Variants in RGPD3 observed in about 807,000 individuals in gnomAD.
RGPD3 encodes the protein ranBP2-like and GRIP domain-containing protein 3.
In RGPD3, 62 loss-of-function variants were observed where a neutral mutation model predicts 154.5. The observed-to-expected ratio is 0.40, with a 90% CI of 0.33 to 0.50. The LOEUF (loss-of-function observed/expected upper bound fraction) is 0.50, where lower values mean the gene tolerates loss of function less well. Ranked by LOEUF, RGPD3 falls within the 20% of genes least tolerant of loss-of-function variation. RGPD3 has a pLI of 0.59. For missense variants in RGPD3, 919 were observed against 1,716.8 expected, an observed-to-expected ratio of 0.54 and a Z score of 8.21; for synonymous variants, 308 against 607.0, an observed-to-expected ratio of 0.51 and a Z score of 7.24.
At chr2:106,422,413 GTCAC>G (rs1677022443) in intron 20 of RGPD3, among the ~76,000 whole-genome samples, 1 of 138,998 alleles carries the variant, frequency 7.2e-6, no homozygotes, top group Non-Finnish European at 1.5e-5. Context: ...GTCTCACTCA[GTCAC>G]TCAGTCAGGC....
chr2:106,425,002 T>C lies in RGPD3; in HGVS notation c.2965A>G (p.Lys989Glu), dbSNP rs2104460088. The change falls in exon 20 of 23, where the codon AAA becomes GAA. Residue 989 changes from lysine (K) to glutamate (E), a missense_variant. By Grantham distance (56) the Lys-to-Glu change is moderately conservative (BLOSUM62 1). Transcript: ENST00000409886. ...GAAAATCCCTTGAAATTGAGGTCTT[T>C]TTTGCCAAACTGAAATCCTTCTCCT... ...TSGEGFQFGKKDLNFKGFSGA... is the reference protein window; with the variant it reads ...TSGEGFQFGKEDLNFKGFSGA... The C allele has an allele frequency of 6.2e-7, 1 of 1,611,918 alleles. No homozygotes were observed. Among genetic ancestry groups the C allele is most frequent in the East Asian group, 2.2e-5 (1 of 44,864 alleles).
At chr2:106,470,843 A>C, upstream of RGPD3, 1 of 1,603,576 alleles carries the variant, frequency 6.2e-7, no homozygotes, top group Non-Finnish European at 8.5e-7. Flanking sequence ...GCTTTGGAGC[A>C]CTAACGCCAT....
chr2:106,417,290 T>TCATC (rs1397706251), intron 20 of RGPD3, among the ~76,000 whole-genome samples: 1 of 117,306 alleles, frequency 8.5e-6, no homozygotes, highest in East Asian at 2.4e-4. Context: ...TCCATCCATC[T>TCATC]CATCCATCCA....
Position 106,424,609 on chromosome 2 carries a change from G to A in RGPD3, c.3358C>T (p.Leu1120=), listed in dbSNP as rs1677123833. 6.2e-7 allele frequency: 1 copy of A among 1,611,578 alleles called. No homozygotes were observed. The highest frequency in any genetic ancestry group is 8.5e-7 in the Non-Finnish European group (1 of 1,179,846). Residue 1120 remains leucine, a synonymous_variant, in exon 20 of 23, where the codon CTG becomes TTG. Transcript: ENST00000409886. ...CTATCTGATCCAGAGAGGGGCTTCAGGTTCATTGTAGTCGTTATCCAATGA... is the reference window on the plus strand; with the variant it reads ...CTATCTGATCCAGAGAGGGGCTTCAAGTTCATTGTAGTCGTTATCCAATGA... ...ANHWITTTMN[L]KPLSGSDRAW... is the part of the protein sequence containing the mutation.
In RGPD3 at chr2:106,468,262, C is replaced by G. The variant is rs180808108; in HGVS notation, c.27G>C (p.Glu9Asp). The G allele has an allele frequency of 1.1e-3, 1,740 of 1,607,952 alleles. 2 individuals carry two copies. The highest frequency in any genetic ancestry group is 1.2e-3 in the Non-Finnish European group (1,448 of 1,178,350). Residue 9 changes from glutamate to aspartate, a missense_variant, in exon 1 of 23, where the codon GAG (glutamate) becomes GAC (aspartate). Transcript: ENST00000409886. ...AGCCCTGCACCGAGGCGACGTACCG[C>G]TCCCCGTAGGCCTTGCTGCAACTCA... Reference protein sequence around the residue: MSCSKAYGERYVASVQGSA... With the variant: MSCSKAYGDRYVASVQGSA...
chr2:106,449,909 C>T (rs367556342), intron 6 of RGPD3, among the ~76,000 whole-genome samples: 7,105 of 151,416 alleles, frequency 0.047, 85 homozygotes, highest in Middle Eastern at 0.12. Flanking sequence ...CCCAGCTACT[C>T]GGGAGGCTGA....
intron 1 of RGPD3, among the ~76,000 whole-genome samples, chr2:106,462,208 AG>A (rs1369888687): frequency 1.3e-5 from 2 of 151,980 alleles, no homozygotes; most frequent in Admixed American, 1.3e-4. Context: ...ATGAAGAAAT[AG>A]ATTCAAGGTA....
At chr2:106,434,180 A>C (rs1677464259) in intron 15 of RGPD3, 48 bp downstream of exon 15, 1 of 1,594,560 alleles carries the variant, frequency 6.3e-7, no homozygotes, top group South Asian at 1.1e-5. Flanking sequence ...AAAAACACTG[A>C]CCAGTGGGTT....
At chr2:106,449,755 T>C (rs1409589737) in intron 6 of RGPD3, among the ~76,000 whole-genome samples, 4 of 150,750 alleles carry the variant, frequency 2.7e-5, no homozygotes, top group East Asian at 4.0e-4. Context: ...CGGTGGCTCA[T>C]GCCTGTAATC....
At chr2:106,463,459 A>G (rs879936878) in intron 1 of RGPD3, among the ~76,000 whole-genome samples, 8 of 151,702 alleles carry the variant, frequency 5.3e-5, no homozygotes, top group Admixed American at 5.3e-4. Flanking sequence ...TGGGCAACAG[A>G]GCAAGACTCT....
intron 6 of RGPD3, among the ~76,000 whole-genome samples, chr2:106,451,282 G>A (rs2104505457): frequency 6.6e-6 from 1 of 151,992 alleles, no homozygotes; most frequent in Admixed American, 6.5e-5. Flanking sequence ...TTTAGATACT[G>A]CTCTTACCCT....
chr2:106,445,926 C>T (rs1169960547), intron 7 of RGPD3, among the ~76,000 whole-genome samples: 58 of 49,602 alleles, frequency 1.2e-3, no homozygotes, highest in African/African-American at 4.5e-3. Flanking sequence ...CTTGTCTCTA[C>T]TAAAAATACA....
At chr2:106,421,016 C>A (rs1443951047) in intron 20 of RGPD3, among the ~76,000 whole-genome samples, 1 of 152,060 alleles carries the variant, frequency 6.6e-6, no homozygotes, top group Non-Finnish European at 1.5e-5. Context: ...AGTGCCCTTC[C>A]TTTTACAATG....
chr2:106,420,762 C>T (rs1175192834), intron 20 of RGPD3, among the ~76,000 whole-genome samples: 5 of 152,220 alleles, frequency 3.3e-5, no homozygotes, highest in Admixed American at 6.5e-5. Flanking sequence ...AATATGGCTA[C>T]TAGAAAATTT....
chr2:106,431,191 ATC>A (rs1558844690), intron 17 of RGPD3, among the ~76,000 whole-genome samples: 1 of 64,106 alleles, frequency 1.6e-5, no homozygotes, highest in Non-Finnish European at 3.2e-5. Context: ...GTCCAAAACT[ATC>A]TCAATTTTCA....
intron 1 of RGPD3, among the ~76,000 whole-genome samples, chr2:106,467,771 C>T (rs1171418040): frequency 7.0e-6 from 1 of 143,204 alleles, no homozygotes; most frequent in Non-Finnish European, 1.5e-5. Context: ...AGCCATGACG[C>T]CTGAGCCATC....
upstream of RGPD3, among the ~76,000 whole-genome samples, chr2:106,468,692 G>A (rs1678729609): frequency 6.6e-6 from 1 of 150,814 alleles, no homozygotes; most frequent in Non-Finnish European, 1.5e-5. Flanking sequence ...TGTAGTCCCA[G>A]CTATTTGGGA....
intron 1 of RGPD3, among the ~76,000 whole-genome samples, chr2:106,466,872 CGAGGCCGCCGCCGGGCCGGG>C (rs1678620320): frequency 1.2e-5 from 1 of 83,368 alleles, no homozygotes; most frequent in East Asian, 1.3e-3. Flanking sequence ...CCTGAGCCAT[CGAGGCCGCCGCCGGGCCGGG>C]TCGAGGCCGC....
upstream of RGPD3, among the ~76,000 whole-genome samples, chr2:106,468,844 G>T (rs1488673897): frequency 4.3e-5 from 6 of 138,958 alleles, no homozygotes; most frequent in East Asian, 2.2e-4. Context: ...AGACTAAACT[G>T]TGATTTGAGG....
Sources: allele counts gnomAD v4.1 joint callset (sites outside exome capture counted in the v4.1 genomes callset), GRCh38; gene constraint gnomAD v4.1.1; transcripts MANE v1.5; gene names NCBI Gene and HGNC (gene_info 2026-07-23, HGNC 2026-07-21).